CYP4X1: variants seen among roughly 807,000 people sequenced by gnomAD.
CYP4X1 encodes the protein cytochrome P450 family 4 subfamily X member 1.
Under a neutral mutation model 57.9 loss-of-function variants are expected in CYP4X1, and 44 were observed. The ratio of observed to expected loss-of-function variants is 0.76; its 90% CI spans 0.60 to 0.98. The LOEUF (loss-of-function observed/expected upper bound fraction) is 0.98, where lower values mean the gene tolerates loss of function less well. CYP4X1 is among the 50% of genes least tolerant of loss of function. CYP4X1 has a pLI of 0.00. For missense variants in CYP4X1, 532 were observed against 623.9 expected (o/e 0.85, Z 1.57); for synonymous variants, 227 against 228.6 (o/e 0.99, Z 0.06).
the CYP4X1 span, among the ~76,000 whole-genome samples, chr1:47,010,521 C>A: frequency 1.2e-4 from 19 of 152,206 alleles, no homozygotes; most frequent in African/African-American, 4.6e-4. Context: ...TGCCCTCTCT[C>A]ACCACTCCTA....
At chr1:46,987,491 C>T in the CYP4X1 span, among the ~76,000 whole-genome samples, 5,190 of 152,184 alleles carry the variant, frequency 0.034, 315 homozygotes, top group African/African-American at 0.11. Flanking sequence ...AGAAAATTAG[C>T]AAGGATATTC....
At chr1:46,996,539 GT>G in the CYP4X1 span, among the ~76,000 whole-genome samples, 2 of 152,210 alleles carry the variant, frequency 1.3e-5, no homozygotes, top group South Asian at 2.1e-4. Context: ...TGAAAATGAT[GT>G]TTATGGAGAA....
chr1:46,981,371 A>G, the CYP4X1 span, among the ~76,000 whole-genome samples: 4 of 152,226 alleles, frequency 2.6e-5, no homozygotes, highest in African/African-American at 9.6e-5. Context: ...GCCAAAAGAC[A>G]CATGAAAAAA....
downstream of CYP4X1, among the ~76,000 whole-genome samples, chr1:47,051,335 C>T (rs1644358890): frequency 6.7e-6 from 1 of 150,342 alleles, no homozygotes; most frequent in South Asian, 2.1e-4. Context: ...GCCGAGGTGG[C>T]GCCACTGCAC....
At chr1:47,053,623 G>C (rs965113197), downstream of CYP4X1, among the ~76,000 whole-genome samples, 5 of 152,350 alleles carry the variant, frequency 3.3e-5, no homozygotes, top group South Asian at 2.1e-4. Context: ...ACTGGTATGA[G>C]ATAGTATCTC....
intron 4 of CYP4X1, among the ~76,000 whole-genome samples, chr1:47,034,785 TTCTC>T (rs1365969159): frequency 6.6e-6 from 1 of 151,864 alleles, no homozygotes; most frequent in Non-Finnish European, 1.5e-5. Context: ...CATTAGAGTT[TTCTC>T]TCTATTTCTC....
chr1:47,045,898 T>G (rs1644295619), intron 8 of CYP4X1, among the ~76,000 whole-genome samples: 1 of 152,214 alleles, frequency 6.6e-6, no homozygotes. Flanking sequence ...AGGACACAGT[T>G]GCACATCCTT....
chr1:47,042,893 T>C (rs1475962620), intron 8 of CYP4X1, among the ~76,000 whole-genome samples: 1 of 152,218 alleles, frequency 6.6e-6, no homozygotes, highest in African/African-American at 2.4e-5. Context: ...GTCTTTACAA[T>C]TGCGAATTGT....
At chr1:47,000,417 G>A in the CYP4X1 span, among the ~76,000 whole-genome samples, 1 of 152,138 alleles carries the variant, frequency 6.6e-6, no homozygotes, top group South Asian at 2.1e-4. Context: ...CAGCTCTAGA[G>A]GTGAAAGGCC....
rs750080184 is a variant in CYP4X1, at chr1:47,036,020, C to T, written c.624C>T (p.Thr208=). Reference sequence around the variant, plus strand: ...TTATCCCAACTTTCTCTTCTAGCACCCATGATCCTTATGCAAAAGCCATAT... The same window carrying T: ...TTATCCCAACTTTCTCTTCTAGCACTCATGATCCTTATGCAAAAGCCATAT... ...SKETNCQTNS[T]HDPYAKAIFE... The change falls in exon 6 of 12, where the codon ACC becomes ACT. Residue 208 remains threonine (T), a synonymous_variant. Coordinates refer to ENST00000371901, the MANE Select transcript of CYP4X1 (RefSeq NM_178033.2). 8 of 1,611,736 alleles carry T rather than the reference C, an allele frequency of 5.0e-6. No individual in the cohort carries two copies. The Admixed American group carries it at 1.3e-4, about 27-fold the overall frequency.
chr1:46,967,198 G>C, the CYP4X1 span, among the ~76,000 whole-genome samples: 39,814 of 152,084 alleles, frequency 0.26, 5,608 homozygotes, highest in East Asian at 0.5. Flanking sequence ...AAAGCTCTAG[G>C]AGCTGAAAAA....
the CYP4X1 span, among the ~76,000 whole-genome samples, chr1:46,999,680 T>C: frequency 2.0e-5 from 3 of 152,160 alleles, no homozygotes; most frequent in Non-Finnish European, 4.4e-5. Flanking sequence ...TCTTTTTATA[T>C]TTTTGATGTA....
At chr1:47,055,015 C>T (rs1324529710), downstream of CYP4X1, among the ~76,000 whole-genome samples, 2 of 152,150 alleles carry the variant, frequency 1.3e-5, no homozygotes, top group Non-Finnish European at 2.9e-5. Context: ...AAAGGGAATG[C>T]TTCCAGTTTT....
At chr1:47,045,733 G>C (rs1644294000) in intron 8 of CYP4X1, among the ~76,000 whole-genome samples, 1 of 152,216 alleles carries the variant, frequency 6.6e-6, no homozygotes, top group Non-Finnish European at 1.5e-5. Context: ...GATATTCCAT[G>C]CTTCCCTTTC....
At chr1:46,977,606 A>T in the CYP4X1 span, among the ~76,000 whole-genome samples, 9 of 152,040 alleles carry the variant, frequency 5.9e-5, no homozygotes, top group East Asian at 1.7e-3. Flanking sequence ...CCAACATCCA[A>T]ATTCAGGAAA....
the CYP4X1 span, chr1:46,968,020 G>A: frequency 4.0e-6 from 1 of 247,680 alleles, no homozygotes; most frequent in African/African-American, 2.3e-5. Flanking sequence ...GTCACTGTAG[G>A]GTGAGGGTGG....
the CYP4X1 span, among the ~76,000 whole-genome samples, chr1:47,011,817 A>G: frequency 1.6e-4 from 24 of 152,376 alleles, no homozygotes; most frequent in East Asian, 4.2e-3. Flanking sequence ...GATGCTCATC[A>G]TCACTGGCCA....
chr1:46,982,464 T>C, the CYP4X1 span, among the ~76,000 whole-genome samples: 1 of 152,208 alleles, frequency 6.6e-6, no homozygotes, highest in Non-Finnish European at 1.5e-5. Context: ...ATTGCCAGAG[T>C]TCTTGCGTTG....
At chr1:46,980,389 A>G in the CYP4X1 span, among the ~76,000 whole-genome samples, 1 of 152,228 alleles carries the variant, frequency 6.6e-6, no homozygotes, top group Non-Finnish European at 1.5e-5. Context: ...TGCTACAAAG[A>G]GAATAAAATA....
Sources: gnomAD v4.1 joint callset for allele counts (sites outside exome capture counted in the v4.1 genomes callset) on GRCh38, gnomAD v4.1.1 for gene constraint, MANE v1.5 for transcripts, NCBI Gene and HGNC (gene_info 2026-07-23, HGNC 2026-07-21) for gene names.